SBF1: variants seen among roughly 807,000 people sequenced by gnomAD.
SBF1 encodes the protein SET binding factor 1.
SBF1 carries 65 observed loss-of-function variants against 215.8 expected under a neutral mutation model. The observed-to-expected ratio is 0.30, with a 90% CI of 0.25 to 0.37. The LOEUF is 0.37. SBF1 is among the 10% of genes least tolerant of loss of function. SBF1 has a pLI of 1.00. For missense variants in SBF1, 2,634 were observed against 2,667.8 expected, an observed-to-expected ratio of 0.99 and a Z score of 0.28; for synonymous variants, 1,410 against 1,122.8, an observed-to-expected ratio of 1.26 and a Z score of -5.11.
chr22:50,459,242 C>A lies in SBF1; in HGVS notation c.3826+13G>T. On this transcript the variant is annotated intron_variant, in intron 28 of 40. Transcript: ENST00000380817. ...GTGCCCCTGCCCCACCGTCTGCCCA[C>A]AAGCACCCTCACCGTGACTGCCCAT... 1 of 1,590,958 alleles carries A rather than the reference C, an allele frequency of 6.3e-7. No individual in the cohort carries two copies. Among genetic ancestry groups the A allele is most frequent in the Non-Finnish European group, 8.6e-7 (1 of 1,162,712 alleles).
Position 50,474,907 on chromosome 22 carries a change from G to T in SBF1, c.-67C>A. The T allele has an allele frequency of 1.7e-6, 2 of 1,149,006 alleles. No individual in the cohort carries two copies. Among genetic ancestry groups the T allele is most frequent in the Non-Finnish European group, 2.3e-6 (2 of 886,868 alleles). The allele number at this position is 1,149,006 out of a possible 1,614,324, so 71.2% of individuals were successfully genotyped here. A position where few individuals can be genotyped will look rare whatever the true frequency, so the allele number is the denominator to read the frequency against. ...CGCGGCTCGGGGACTCGAGGACGGCGCGCTCATGGCCCGGCCCCGGCCCTG... is the reference window on the plus strand; with the variant it reads ...CGCGGCTCGGGGACTCGAGGACGGCTCGCTCATGGCCCGGCCCCGGCCCTG... On this transcript the variant is annotated 5_prime_UTR_variant, in exon 1 of 41. Transcript: ENST00000380817.
intron 16 of SBF1, 24 bp downstream of exon 16, chr22:50,463,259 C>T (rs1224435110): frequency 6.2e-7 from 1 of 1,612,416 alleles, no homozygotes; most frequent in Non-Finnish European, 8.5e-7. Context: ...TGAGCCATGT[C>T]ACTAGCAGGA....
At chr22:50,461,102 T>C in intron 23 of SBF1, 57 bp downstream of exon 23, 1 of 1,534,744 alleles carries the variant, frequency 6.5e-7, no homozygotes, top group South Asian at 1.2e-5. Context: ...AAAGACCGGT[T>C]TGCAGGAGAA....
Position 50,461,270 on chromosome 22 carries a change from C to G in SBF1, c.2856G>C (p.Val952=). 1 of 1,611,708 alleles carries G rather than the reference C, an allele frequency of 6.2e-7. No homozygotes were observed. Among genetic ancestry groups the G allele is most frequent in the Non-Finnish European group, 8.5e-7 (1 of 1,178,530 alleles). Residue 952 remains valine, a synonymous_variant, in exon 23 of 41, where the codon GTG becomes GTC. Transcript: ENST00000380817. ...GCGCAGCCACCGGGAAGGAGCGGAC[C>G]ACCACCTGCTCCCCAACTTAGGACA... The part of the protein sequence containing the change: ...PTDPLVGEQV[V]VRSFPVAALT...
At chr22:50,465,650 A>T in intron 10 of SBF1, 113 bp downstream of exon 10, 2 of 978,980 alleles carry the variant, frequency 2.0e-6, no homozygotes, top group Non-Finnish European at 3.0e-6. Flanking sequence ...TGCTTCTGCT[A>T]CTGGAGCCGG....
chr22:50,463,436 G>T lies in SBF1; in HGVS notation c.1750-4C>A. The T allele has an allele frequency of 6.4e-7, 1 of 1,565,002 alleles. No individual in the cohort carries two copies. Among genetic ancestry groups the T allele is most frequent in the East Asian group, 2.3e-5 (1 of 42,918 alleles). On this transcript the variant is annotated splice_polypyrimidine_tract_variant and splice_region_variant and intron_variant, in intron 15 of 40. Transcript: ENST00000380817. ...CCCTCAACACGGCTGGGAGCAGCTG[G>T]GGGTGGGGAAAGGAGACACGGGCTG... is the stretch of plus-strand genomic sequence containing the variant.
rs1321764694 is a variant in SBF1 at position 50,446,434 on chromosome 22, C to T, written c.*708G>A. ...GAAACTGACGTCCACCTCAAGTGTC[C>T]TCTGGACCTGCAACAGCCTTCTGGG... On this transcript the variant is annotated 3_prime_UTR_variant, in exon 41 of 41. Transcript: ENST00000380817. The T allele has an allele frequency of 1.2e-5, 2 of 166,262 alleles. No homozygotes were observed. The allele number at this position is 166,262 out of a possible 1,614,324, so 10.3% of individuals were successfully genotyped here.
In SBF1 at chr22:50,446,979, C is replaced by CGGGCGGGGCGGGGCG. The variant is rs963346132; in HGVS notation, c.*148_*162dup. The stretch of plus-strand genomic sequence containing the variant: ...GACGCCAAAATAAGTTAGGGCCGGC[C>CGGGCGGGGCGGGGCG]GGGCGGGGCGGGGCGGGGACGGGGG... On this transcript the variant is annotated 3_prime_UTR_variant, in exon 41 of 41. Transcript: ENST00000380817. 1 of 720,694 alleles carries CGGGCGGGGCGGGGCG rather than the reference C, an allele frequency of 1.4e-6. No individual in the cohort carries two copies. The highest frequency in any genetic ancestry group is 2.8e-5 in the East Asian group (1 of 36,268). 44.6% of individuals were successfully genotyped at this position (720,694 alleles called of 1,614,324 possible). A position where few individuals can be genotyped will look rare whatever the true frequency, so the allele number is the denominator to read the frequency against.
At chr22:50,474,205 T>C (rs905370031) in intron 1 of SBF1, among the ~76,000 whole-genome samples, 6 of 152,326 alleles carry the variant, frequency 3.9e-5, no homozygotes, top group Admixed American at 6.5e-5. Context: ...CTCTTCTCTC[T>C]ACTCTCGACG....
chr22:50,456,906 G>T (rs1245226703), intron 29 of SBF1, 128 bp downstream of exon 29: 2 of 843,680 alleles, frequency 2.4e-6, no homozygotes, highest in Admixed American at 7.1e-5. Flanking sequence ...TAAGGACTGG[G>T]GCTCGGGAGA....
rs369419850 is a variant in SBF1 at position 50,446,867 on chromosome 22, G to C, written c.*275C>G. 1 of 744,014 alleles carries C rather than the reference G, an allele frequency of 1.3e-6. No individual in the cohort carries two copies. 46.1% of individuals were successfully genotyped at this position (744,014 alleles called of 1,614,324 possible). A position where few individuals can be genotyped will look rare whatever the true frequency, so the allele number is the denominator to read the frequency against. On this transcript the variant is annotated 3_prime_UTR_variant, in exon 41 of 41. Coordinates refer to ENST00000380817, the MANE Select transcript of SBF1 (RefSeq NM_002972.4). ...AGAAACTCGCCTGCAGCCGCTGGCT[G>C]GACCAGCACACGCTGACGGGGCCGG... is the stretch of plus-strand genomic sequence containing the variant.
Position 50,466,259 on chromosome 22 carries a change from C to G in SBF1, c.789-1G>C. ...CGGCAGGATGGGCACATAGGTGAAG[C>G]TGTGCAGGCCCCAGAGGATGCAGTG... On this transcript the variant is annotated splice_acceptor_variant, in intron 7 of 40. Coordinates refer to ENST00000380817, the MANE Select transcript of SBF1 (RefSeq NM_002972.4). LOFTEE classifies it high-confidence loss of function. The G allele has an allele frequency of 6.2e-7, 1 of 1,613,494 alleles. No individual in the cohort carries two copies. Among genetic ancestry groups the G allele is most frequent in the Non-Finnish European group, 8.5e-7 (1 of 1,180,002 alleles).
In SBF1 at chr22:50,445,515, T is replaced by TTGAG. The variant is rs1491531391; in HGVS notation, c.*1623_*1626dup. The TTGAG allele has an allele frequency of 1.3e-5, 2 of 152,180 alleles. No individual in the cohort carries two copies. The highest frequency in any genetic ancestry group is 4.8e-5 in the African/African-American group (2 of 41,428). 9.4% of individuals were successfully genotyped at this position (152,180 alleles called of 1,614,324 possible). ...GCCGAGTCTCTGCCCCAGCTACACA[T>TTGAG]TGAGTGCCTTGTTCTCGCCGCCTAC... On this transcript the variant is annotated 3_prime_UTR_variant, in exon 41 of 41. Transcript: ENST00000380817.
At chr22:50,468,842 G>A (rs776063877) in intron 1 of SBF1, among the ~76,000 whole-genome samples, 7 of 151,950 alleles carry the variant, frequency 4.6e-5, no homozygotes, top group African/African-American at 7.3e-5. Context: ...CCCCAACAGT[G>A]GGCATCCCCC....
At position 50,462,884 on chromosome 22, in the gene SBF1, T is replaced by C. The variant is rs2067581378; in HGVS notation, c.1954A>G (p.Thr652Ala). ...CCAGCACTCACCCGGCAGAAGGCTG[T>C]GACCAGAGGCAGCAGAGCCGCCGCA... is the stretch of plus-strand genomic sequence containing the variant. ...GIAAALLPLV[T>A]AFCRKLSPGV... The change falls in exon 17 of 41, where the codon ACA (threonine) becomes GCA (alanine). Residue 652 changes from threonine (T) to alanine (A), a missense_variant. Transcript: ENST00000380817. 1.2e-6 allele frequency: 2 copies of C among 1,612,906 alleles called. No individual in the cohort carries two copies. Among genetic ancestry groups the C allele is most frequent in the South Asian group, 2.2e-5 (2 of 91,040 alleles).
chr22:50,460,558 G>T lies in SBF1; in HGVS notation c.3122C>A (p.Thr1041Asn). 2 of 1,614,096 alleles carry T rather than the reference G, an allele frequency of 1.2e-6. No individual in the cohort carries two copies. Among genetic ancestry groups the T allele is most frequent in the Non-Finnish European group, 1.7e-6 (2 of 1,180,008 alleles). The change falls in exon 24 of 41, where the codon ACC becomes AAC. Residue 1041 changes from threonine (T) to asparagine (N), a missense_variant. By Grantham distance (65) the Thr-to-Asn change is moderately conservative (BLOSUM62 0). Transcript: ENST00000380817. The stretch of plus-strand genomic sequence containing the variant: ...CCTGAGGGAAGGACCCTTGTCCTTG[G>T]TGACTCGCGGTGGCCGGCCAGGTGT... ...AHTPGRPPRV[T>N]KDKGPSLRTL...
chr22:50,449,164 C>G (rs1193346908), intron 36 of SBF1, among the ~76,000 whole-genome samples: 1 of 151,236 alleles, frequency 6.6e-6, no homozygotes, highest in East Asian at 1.9e-4. Flanking sequence ...AAGAGCAAAA[C>G]TGCTTCTCAA....
Position 50,460,728 on chromosome 22 carries a change from C to T in SBF1, c.2968-16G>A, listed in dbSNP as rs2067471380. 1 of 1,610,938 alleles carries T rather than the reference C, an allele frequency of 6.2e-7. No homozygotes were observed. The highest frequency in any genetic ancestry group is 8.5e-7 in the Non-Finnish European group (1 of 1,179,318). On this transcript the variant is annotated splice_polypyrimidine_tract_variant and intron_variant, in intron 23 of 40. Transcript: ENST00000380817. ...TTTTCAGCAGCTGTGTCAGTAAAAG[C>T]AGCCCTTAGGGGTGTGGGTGGCCCC...
chr22:50,467,198 G>A lies in SBF1; in HGVS notation c.549+140C>T, dbSNP rs550388445. ...AGGTAAGCAGGCCAGGACTGTTGGG[G>A]GCAATGGTGGCACGAGGACGCAAGA... On this transcript the variant is annotated intron_variant, in intron 5 of 40. Transcript: ENST00000380817. The A allele has an allele frequency of 1.0e-5, 7 of 682,674 alleles. No individual in the cohort carries two copies. The Admixed American group carries it at 1.8e-4, about 18-fold the overall frequency. 42.3% of individuals were successfully genotyped at this position (682,674 alleles called of 1,614,324 possible). A position where few individuals can be genotyped will look rare whatever the true frequency, so the allele number is the denominator to read the frequency against.
Sources: allele counts gnomAD v4.1 joint callset (sites outside exome capture counted in the v4.1 genomes callset), GRCh38; gene constraint gnomAD v4.1.1; transcripts MANE v1.5; gene names NCBI Gene and HGNC (gene_info 2026-07-23, HGNC 2026-07-21).